Variants in ADGRG7 observed in about 807,000 individuals in gnomAD.
ADGRG7 encodes G-protein coupled receptor 128.
In ADGRG7, 82 loss-of-function variants were observed where a neutral mutation model predicts 88.6. The observed-to-expected ratio is 0.93, with a 90% CI of 0.77 to 1.11. The LOEUF is 1.11. ADGRG7 is among the 50% of genes most tolerant of loss of function. ADGRG7 has a pLI of 0.00. For synonymous variants in ADGRG7, 381 were observed against 345.2 expected, an observed-to-expected ratio of 1.10 and a Z score of -1.15; for missense variants, 945 against 953.4, an observed-to-expected ratio of 0.99 and a Z score of 0.12.
intron 4 of ADGRG7, 67 bp downstream of exon 4, chr3:100,633,444 A>G: frequency 1.3e-6 from 1 of 762,742 alleles, no homozygotes; most frequent in Non-Finnish European, 2.0e-6. Flanking sequence ...TCTGTTCTTC[A>G]GATACCTGAT....
chr3:100,668,119 G>A (rs773521944), intron 14 of ADGRG7, among the ~76,000 whole-genome samples: 5 of 152,228 alleles, frequency 3.3e-5, no homozygotes, highest in Non-Finnish European at 5.9e-5. Flanking sequence ...TGCACCCACT[G>A]TCCAATCAGT....
intron 10 of ADGRG7, among the ~76,000 whole-genome samples, chr3:100,649,432 C>T (rs1334907579): frequency 6.6e-6 from 1 of 152,180 alleles, no homozygotes; most frequent in Admixed American, 6.5e-5. Flanking sequence ...AACCAGTCCC[C>T]CTGCAAATAC....
rs1442094571 is a variant in ADGRG7 at position 100,687,818 on chromosome 3, G to A, written c.2137-6926G>A. 5.9e-5 allele frequency among the ~76,000 whole-genome samples: 9 copies of A among 152,124 alleles called. No homozygotes were observed. In the South Asian group the frequency reaches 1.0e-3, roughly 17 times the overall value. On this transcript the variant is annotated intron_variant, in intron 15 of 15. Transcript: ENST00000273352. ...GGATTTTTGCATCGATGTTCATCAGGGATATTGGTCTAAAATTCTCTTTTT... is the reference window on the plus strand; with the variant it reads ...GGATTTTTGCATCGATGTTCATCAGAGATATTGGTCTAAAATTCTCTTTTT...
intron 4 of ADGRG7, among the ~76,000 whole-genome samples, chr3:100,634,034 T>A (rs758826787): frequency 6.6e-6 from 1 of 152,168 alleles, no homozygotes; most frequent in Non-Finnish European, 1.5e-5. Flanking sequence ...GAAACTATTA[T>A]CAAAGACCCT....
At chr3:100,635,546 A>G (rs1277841031) in intron 4 of ADGRG7, 131 bp from the exon 5 acceptor site, 5 of 1,475,190 alleles carry the variant, frequency 3.4e-6, no homozygotes, top group Non-Finnish European at 4.5e-6. Flanking sequence ...GCAAACGTGG[A>G]AAACTGAGTG....
intron 15 of ADGRG7, among the ~76,000 whole-genome samples, chr3:100,688,668 T>A (rs949124907): frequency 9.2e-5 from 14 of 152,246 alleles, no homozygotes; most frequent in Non-Finnish European, 1.5e-4. Context: ...TTGTTCAGTT[T>A]CCATGTAGTT....
At chr3:100,675,068 A>G (rs1204330965) in intron 15 of ADGRG7, among the ~76,000 whole-genome samples, 1 of 151,808 alleles carries the variant, frequency 6.6e-6, no homozygotes, top group African/African-American at 2.4e-5. Flanking sequence ...CTTCCTTTCC[A>G]ATTTAGATTT....
At chr3:100,641,057 T>C (rs934459068) in intron 6 of ADGRG7, among the ~76,000 whole-genome samples, 8 of 152,200 alleles carry the variant, frequency 5.3e-5, no homozygotes, top group Non-Finnish European at 1.0e-4. Context: ...AATAGGCATA[T>C]GGGGTCTCAT....
At chr3:100,673,895 T>C (rs572894456) in intron 15 of ADGRG7, among the ~76,000 whole-genome samples, 47 of 152,354 alleles carry the variant, frequency 3.1e-4, no homozygotes, top group Non-Finnish European at 5.7e-4. Context: ...AGTTATTTCT[T>C]GTCTTCTGCT....
chr3:100,630,068 T>C (rs1465889070), intron 2 of ADGRG7, among the ~76,000 whole-genome samples: 2 of 152,186 alleles, frequency 1.3e-5, no homozygotes, highest in African/African-American at 4.8e-5. Flanking sequence ...ACTACTCTAA[T>C]ATATTTAACT....
chr3:100,678,436 C>CTTAG (rs1559690161), intron 15 of ADGRG7, among the ~76,000 whole-genome samples: 1 of 151,620 alleles, frequency 6.6e-6, no homozygotes. Flanking sequence ...TCACTGGTGC[C>CTTAG]TTATTTATTT....
chr3:100,649,063 T>C (rs2149027259), intron 10 of ADGRG7, among the ~76,000 whole-genome samples: 1 of 152,338 alleles, frequency 6.6e-6, no homozygotes, highest in African/African-American at 2.4e-5. Context: ...TCAATTTAGA[T>C]ATACTTAGAG....
At chr3:100,661,046 T>G (rs1160248804) in intron 14 of ADGRG7, among the ~76,000 whole-genome samples, 3 of 152,220 alleles carry the variant, frequency 2.0e-5, no homozygotes, top group Non-Finnish European at 4.4e-5. Flanking sequence ...ATGTGCTTTC[T>G]GATTTACCAG....
intron 11 of ADGRG7, among the ~76,000 whole-genome samples, chr3:100,652,321 C>T (rs555154759): frequency 6.6e-6 from 1 of 152,074 alleles, no homozygotes; most frequent in African/African-American, 2.4e-5. Context: ...GATGAAACAT[C>T]GTAAAAACAT....
intron 11 of ADGRG7, among the ~76,000 whole-genome samples, chr3:100,652,091 T>C (rs562428845): frequency 3.9e-5 from 6 of 152,254 alleles, no homozygotes; most frequent in African/African-American, 7.2e-5. Flanking sequence ...TGGATTATAA[T>C]TGATAAAATT....
chr3:100,685,429 G>A (rs370378444), intron 15 of ADGRG7, among the ~76,000 whole-genome samples: 3 of 152,062 alleles, frequency 2.0e-5, no homozygotes, highest in East Asian at 3.9e-4. Context: ...CAACGTGCAG[G>A]TTTGTTACAT....
chr3:100,614,737 T>C lies in ADGRG7; in HGVS notation c.115+4766T>C, dbSNP rs144008238. Among the ~76,000 whole-genome samples, 686 of 152,316 alleles carry C rather than the reference T, an allele frequency of 4.5e-3. 5 individuals carry two copies. Among genetic ancestry groups the C allele is most frequent in the Middle Eastern group, 6.8e-3 (2 of 294 alleles). On this transcript the variant is annotated intron_variant, in intron 1 of 15. Transcript: ENST00000273352. ...TTCCCTACTTATTAAAATCAAACTT[T>C]TCAAAGCAGACTCTAATTTTGTCTA... is the stretch of plus-strand genomic sequence containing the variant.
intron 9 of ADGRG7, 53 bp from the exon 10 acceptor site, chr3:100,646,516 A>G: frequency 6.9e-7 from 1 of 1,449,028 alleles, no homozygotes; most frequent in Non-Finnish European, 9.6e-7. Flanking sequence ...GATTTTTTTT[A>G]ACCCAATTAA....
chr3:100,684,378 C>T (rs541072787), intron 15 of ADGRG7, among the ~76,000 whole-genome samples: 1 of 151,954 alleles, frequency 6.6e-6, no homozygotes, highest in Non-Finnish European at 1.5e-5. Context: ...ATCCCCCCAC[C>T]TCAACCTCCC....
Sources: gnomAD v4.1 joint callset for allele counts (sites outside exome capture counted in the v4.1 genomes callset) on GRCh38, gnomAD v4.1.1 for gene constraint, MANE v1.5 for transcripts, NCBI Gene and HGNC (gene_info 2026-07-23, HGNC 2026-07-21) for gene names.